Variants in ENOSF1 observed in about 807,000 individuals in gnomAD.
ENOSF1 encodes mitochondrial enolase superfamily member 1.
A neutral mutation model predicts 68.2 loss-of-function variants in ENOSF1; 73 were observed. The ratio of observed to expected loss-of-function variants is 1.07; its 90% CI spans 0.89 to 1.30. The LOEUF is 1.30. ENOSF1 is among the 50% of genes most tolerant of loss of function. The probability of loss-of-function intolerance (pLI) is 0.00; values close to 1 mark genes in which losing one functional copy is unlikely to be tolerated. For synonymous variants in ENOSF1, 223 were observed against 210.4 expected, an observed-to-expected ratio of 1.06 and a Z score of -0.52; for missense variants, 589 against 554.5, an observed-to-expected ratio of 1.06 and a Z score of -0.62.
At chr18:708,648 G>A (rs531840455) in intron 1 of ENOSF1, among the ~76,000 whole-genome samples, 4 of 152,282 alleles carry the variant, frequency 2.6e-5, no homozygotes, top group East Asian at 3.9e-4. Context: ...GAGGGAGAGC[G>A]CTTTATGATG....
chr18:683,133 TCAA>T lies in ENOSF1; in HGVS notation c.876+110_876+112del, dbSNP rs1355345941. ...ACACATTACAATTATTTCAGCTACT[TCAA>T]CAGGAAATGCAAGAGGGAACAAGTG... is the stretch of plus-strand genomic sequence containing the variant. On this transcript the variant is annotated intron_variant, in intron 11 of 15. Transcript: ENST00000647584. The T allele has an allele frequency of 8.4e-6, 11 of 1,312,770 alleles. No homozygotes were observed. The Admixed American group carries it at 2.6e-4, about 31-fold the overall frequency. 81.3% of individuals were successfully genotyped at this position (1,312,770 alleles called of 1,614,324 possible). A position where few individuals can be genotyped will look rare whatever the true frequency, so the allele number is the denominator to read the frequency against.
In ENOSF1 at chr18:702,483, G is replaced by A. The variant is rs1263956163; in HGVS notation, c.193+3987C>T. 3.3e-5 allele frequency among the ~76,000 whole-genome samples: 5 copies of A among 152,134 alleles called. No homozygotes were observed. In the East Asian group the frequency reaches 9.7e-4, roughly 29 times the overall value. On this transcript the variant is annotated intron_variant, in intron 2 of 15. Coordinates refer to ENST00000647584, the MANE Select transcript of ENOSF1 (RefSeq NM_017512.7). ...CCAGCTACTTGGGAAACTGAGGCAGGAGAATCGTTTGAACCTTGGAGGTGG... is the reference window on the plus strand; with the variant it reads ...CCAGCTACTTGGGAAACTGAGGCAGAAGAATCGTTTGAACCTTGGAGGTGG...
At position 707,450 on chromosome 18, in the gene ENOSF1, T is replaced by C. The variant is rs371117374; in HGVS notation, c.85-872A>G. ...AGGTTCAGAAAACTGTTGCATAAAA[T>C]TGGAGTGATCTCACTTATAGCAGTT... On this transcript the variant is annotated intron_variant, in intron 1 of 15. Transcript: ENST00000647584. 20 of 152,324 alleles carry C rather than the reference T, an allele frequency of 1.3e-4. No individual in the cohort carries two copies. The East Asian group carries it at 3.1e-3, about 23-fold the overall frequency. The allele number at this position is 152,324 out of a possible 1,614,324, so 9.4% of individuals were successfully genotyped here. A position where few individuals can be genotyped will look rare whatever the true frequency, so the allele number is the denominator to read the frequency against.
chr18:685,029 T>TC (rs1465108374), intron 10 of ENOSF1, among the ~76,000 whole-genome samples: 1 of 150,830 alleles, frequency 6.6e-6, no homozygotes, highest in African/African-American at 2.4e-5. Flanking sequence ...CTGGTTAATT[T>TC]TTTTTCTTCT....
Position 671,646 on chromosome 18 carries a change from A to G in ENOSF1, c.*2659T>C, listed in dbSNP as rs1052463342. 2 of 613,068 alleles carry G rather than the reference A, an allele frequency of 3.3e-6. No homozygotes were observed. The highest frequency in any genetic ancestry group is 5.7e-6 in the Non-Finnish European group (2 of 348,850). 38.0% of individuals were successfully genotyped at this position (613,068 alleles called of 1,614,324 possible). A position where few individuals can be genotyped will look rare whatever the true frequency, so the allele number is the denominator to read the frequency against. ...CTGCCTCAGCAACCATGGGCACTTAACATGTCAGGTGCTGTGAGGTACTAA... is the reference window on the plus strand; with the variant it reads ...CTGCCTCAGCAACCATGGGCACTTAGCATGTCAGGTGCTGTGAGGTACTAA... On this transcript the variant is annotated 3_prime_UTR_variant, in exon 16 of 16. Coordinates refer to ENST00000647584, the MANE Select transcript of ENOSF1 (RefSeq NM_017512.7).
chr18:675,498 GAC>G, intron 14 of ENOSF1, 96 bp from the exon 15 acceptor site: 1 of 1,060,642 alleles, frequency 9.4e-7, no homozygotes, highest in Non-Finnish European at 1.4e-6. Flanking sequence ...CCACTCAATT[GAC>G]AGTGTTGGCC....
chr18:688,454 G>C (rs1319538450), intron 9 of ENOSF1, 120 bp downstream of exon 9: 1 of 1,324,670 alleles, frequency 7.5e-7, no homozygotes. Context: ...GCATCCCTAT[G>C]AGCCAGGGGG....
chr18:691,722 GT>G (rs2077196249), intron 5 of ENOSF1: 2 of 162,290 alleles, frequency 1.2e-5, no homozygotes, highest in African/African-American at 4.8e-5. Context: ...GTTTGACTCT[GT>G]CATTCCTAAA....
intron 3 of ENOSF1, among the ~76,000 whole-genome samples, chr18:694,627 CAAAA>C (rs1304863597): frequency 9.3e-6 from 1 of 107,842 alleles, no homozygotes. Context: ...GACTCTGTCT[CAAAA>C]AAAAAAAAAA....
At chr18:670,093 G>A (rs1366641808), downstream of ENOSF1, among the ~76,000 whole-genome samples, 2 of 151,060 alleles carry the variant, frequency 1.3e-5, no homozygotes, top group Non-Finnish European at 2.9e-5. Context: ...GCCCAGGCTG[G>A]AGTGCAGTGG....
intron 3 of ENOSF1, among the ~76,000 whole-genome samples, chr18:695,748 T>G (rs2077644426): frequency 2.0e-5 from 3 of 152,172 alleles, no homozygotes. Flanking sequence ...CCCAGCTGAT[T>G]GTTCATTATC....
intron 1 of ENOSF1, 110 bp downstream of exon 1, chr18:712,393 TA>T (rs2079686008): frequency 4.6e-6 from 7 of 1,526,676 alleles, no homozygotes; most frequent in Non-Finnish European, 6.1e-6. Context: ...CGTCCGCGCT[TA>T]CCATGGCGTC....
intron 14 of ENOSF1, among the ~76,000 whole-genome samples, chr18:676,591 A>G (rs1325611743): frequency 1.3e-5 from 2 of 152,224 alleles, no homozygotes; most frequent in Admixed American, 6.5e-5. Flanking sequence ...CTGTAAGCCA[A>G]TTAAACCTCT....
intron 14 of ENOSF1, among the ~76,000 whole-genome samples, chr18:677,052 A>G (rs1392866320): frequency 6.6e-6 from 1 of 152,282 alleles, no homozygotes; most frequent in African/African-American, 2.4e-5. Flanking sequence ...ACAGAAGTAC[A>G]GAATACACGT....
At chr18:681,928 G>A (rs1383530934) in intron 11 of ENOSF1, among the ~76,000 whole-genome samples, 1 of 152,132 alleles carries the variant, frequency 6.6e-6, no homozygotes, top group Admixed American at 6.5e-5. Context: ...ACAGAGAACT[G>A]GTCCCTGAGT....
intron 9 of ENOSF1, chr18:687,152 A>C (rs530132633): frequency 2.0e-5 from 3 of 152,182 alleles, no homozygotes; most frequent in African/African-American, 7.2e-5. Context: ...ATTTCTACTG[A>C]GAGAAAATGA....
chr18:674,907 G>A (rs2075325509), intron 15 of ENOSF1, among the ~76,000 whole-genome samples: 1 of 152,228 alleles, frequency 6.6e-6, no homozygotes, highest in African/African-American at 2.4e-5. Context: ...GCCAGAGTTA[G>A]TTAACTCATC....
chr18:690,584 C>T lies in ENOSF1; in HGVS notation c.583G>A (p.Ala195Thr), dbSNP rs181508570. 16 of 1,614,058 alleles carry T rather than the reference C, an allele frequency of 9.9e-6. No individual in the cohort carries two copies. The highest frequency in any genetic ancestry group is 1.3e-5 in the Non-Finnish European group (15 of 1,180,042). Reference sequence around the variant, plus strand: ...GTGTCATCTGAGTACCCCAGCCAGGCGCACGATGTCGTGTAAGCAGGGTAT... The same window carrying T: ...GTGTCATCTGAGTACCCCAGCCAGGTGCACGATGTCGTGTAAGCAGGGTAT... ...QGYPAYTTSC[A>T]WLGYSDDTLK... The change falls in exon 8 of 16, where the codon GCC (alanine) becomes ACC (threonine). Residue 195 changes from alanine to threonine, a missense_variant. Transcript: ENST00000647584.
At chr18:711,259 T>C (rs940160988) in intron 1 of ENOSF1, among the ~76,000 whole-genome samples, 7 of 152,258 alleles carry the variant, frequency 4.6e-5, no homozygotes, top group African/African-American at 1.7e-4. Flanking sequence ...AAAAAGGACA[T>C]TGTTTTGCAT....
Sources: allele counts gnomAD v4.1 joint callset (sites outside exome capture counted in the v4.1 genomes callset), GRCh38; gene constraint gnomAD v4.1.1; transcripts MANE v1.5; gene names NCBI Gene and HGNC (gene_info 2026-07-23, HGNC 2026-07-21).